ITGB1: variants seen among roughly 807,000 people sequenced by gnomAD.
ITGB1 encodes the protein integrin subunit beta 1.
In ITGB1, 24 loss-of-function variants were observed where a neutral mutation model predicts 86.5. The observed-to-expected ratio is 0.28, with a 90% CI of 0.20 to 0.39. The LOEUF (loss-of-function observed/expected upper bound fraction) is 0.39, where lower values mean the gene tolerates loss of function less well. Ranked by LOEUF, ITGB1 falls within the 10% of genes least tolerant of loss-of-function variation. The probability of loss-of-function intolerance (pLI) is 1.00; values close to 1 mark genes in which losing one functional copy is unlikely to be tolerated. For missense variants in ITGB1, 556 were observed against 946.9 expected (o/e 0.59, Z 5.42); for synonymous variants, 323 against 316.8 (o/e 1.02, Z -0.21).
intron 8 of ITGB1, 145 bp from the exon 9 acceptor site, chr10:32,922,491 T>C (rs2094953222): frequency 4.0e-6 from 3 of 754,360 alleles, no homozygotes; most frequent in African/African-American, 1.8e-5. Flanking sequence ...ACCAGTTTTA[T>C]AATATGTGAT....
At chr10:32,956,420 C>T (rs1382890251) in intron 1 of ITGB1, among the ~76,000 whole-genome samples, 1 of 150,126 alleles carries the variant, frequency 6.7e-6, no homozygotes, top group East Asian at 2.0e-4. Flanking sequence ...AATAAAAAAA[C>T]CTAAGGGCCA....
intron 15 of ITGB1, chr10:32,906,433 C>CA: frequency 4.6e-6 from 1 of 218,764 alleles, no homozygotes; most frequent in Non-Finnish European, 9.7e-6. Context: ...CTACTAAAAA[C>CA]AAAAAAATTA....
intron 9 of ITGB1, among the ~76,000 whole-genome samples, chr10:32,922,027 G>C (rs1192559151): frequency 6.6e-6 from 1 of 152,042 alleles, no homozygotes; most frequent in Non-Finnish European, 1.5e-5. Flanking sequence ...ACAGTTATTT[G>C]GAAATACTCC....
rs1461894354 is a variant in ITGB1 at position 32,913,128 on chromosome 10, C to T, written c.1470-1004G>A. 3.3e-5 allele frequency among the ~76,000 whole-genome samples: 5 copies of T among 152,210 alleles called. No individual in the cohort carries two copies. The East Asian group carries it at 9.6e-4, about 29-fold the overall frequency. ...GACTGTTAGAAGGAAAACTAACAAACAGAAAGGACATCCACACCAAAACCC... is the reference window on the plus strand; with the variant it reads ...GACTGTTAGAAGGAAAACTAACAAATAGAAAGGACATCCACACCAAAACCC... On this transcript the variant is annotated intron_variant, in intron 11 of 15. Coordinates refer to ENST00000302278, the MANE Select transcript of ITGB1 (RefSeq NM_002211.4).
rs2094903127 is a variant in ITGB1, at chr10:32,908,377, T to C, written c.2322A>G (p.Lys774=). The part of the protein sequence containing the change: ...AKFEKEKMNA[K]WDTGENPIYK... ...ATGTTTTGTAACTTACCGTGTCCCA[T>C]TTGGCATTCATTTTCTCCTTTTCAA... The change falls in exon 15 of 16, where the codon AAA becomes AAG. Residue 774 remains lysine, a synonymous_variant. Transcript: ENST00000302278. 1.9e-6 allele frequency: 3 copies of C among 1,614,028 alleles called. No individual in the cohort carries two copies. The highest frequency in any genetic ancestry group is 2.7e-5 in the African/African-American group (2 of 75,068).
At chr10:32,923,470 A>C (rs2094955938) in intron 7 of ITGB1, 115 bp downstream of exon 7, 2 of 854,684 alleles carry the variant, frequency 2.3e-6, no homozygotes, top group Admixed American at 3.2e-5. Flanking sequence ...CTACTTACCA[A>C]AACAGCAAAA....
At chr10:32,910,754 TA>T (rs1339478136) in intron 13 of ITGB1, among the ~76,000 whole-genome samples, 3 of 149,812 alleles carry the variant, frequency 2.0e-5, no homozygotes, top group Non-Finnish European at 2.9e-5. Flanking sequence ...AAAATCATAA[TA>T]ATTTTTTTTT....
intron 3 of ITGB1, among the ~76,000 whole-genome samples, chr10:32,931,303 A>T (rs1003748176): frequency 6.6e-4 from 101 of 152,216 alleles, no homozygotes; most frequent in African/African-American, 2.3e-3. Context: ...AAGCCTTTAA[A>T]ATTTTAAGGA....
chr10:32,934,727 T>C (rs2137238017), intron 2 of ITGB1, among the ~76,000 whole-genome samples: 1 of 152,356 alleles, frequency 6.6e-6, no homozygotes, highest in South Asian at 2.1e-4. Context: ...AATTTTTTTG[T>C]TATGTTCCTC....
At chr10:32,928,332 A>C in intron 4 of ITGB1, 68 bp from the exon 5 acceptor site, 1 of 711,846 alleles carries the variant, frequency 1.4e-6, no homozygotes. Flanking sequence ...AGAAAAACCA[A>C]ATAAATGTGG....
chr10:32,907,096 T>G, intron 15 of ITGB1: 1 of 1,360,876 alleles, frequency 7.3e-7, no homozygotes, highest in Non-Finnish European at 9.8e-7. Context: ...GTCCGTAGTT[T>G]GGATTCTTGA....
chr10:32,956,425 G>A (rs1297971284), intron 1 of ITGB1, among the ~76,000 whole-genome samples: 5 of 151,452 alleles, frequency 3.3e-5, no homozygotes, highest in African/African-American at 4.9e-5. Flanking sequence ...AAAAACCTAA[G>A]GGCCAGGTTC....
Position 32,954,807 on chromosome 10 carries a change from G to A in ITGB1, c.-1+3338C>T, listed in dbSNP as rs181349659. Among the ~76,000 whole-genome samples the A allele has an allele frequency of 8.1e-4, 124 of 152,290 alleles. 2 individuals carry two copies. The East Asian group carries it at 0.014, about 18-fold the overall frequency. On this transcript the variant is annotated intron_variant, in intron 1 of 15. Transcript: ENST00000302278. ...TTTCTCATGCACACACACGTTTCATGAGGTGATATGCACACGCTTAAGCAT... is the reference window on the plus strand; with the variant it reads ...TTTCTCATGCACACACACGTTTCATAAGGTGATATGCACACGCTTAAGCAT...
chr10:32,913,482 A>C (rs954779019), intron 11 of ITGB1, among the ~76,000 whole-genome samples: 1 of 152,214 alleles, frequency 6.6e-6, no homozygotes, highest in African/African-American at 2.4e-5. Context: ...AAATGACCTG[A>C]TGGAGCGGAA....
At chr10:32,951,431 G>C (rs7906227) in intron 1 of ITGB1, among the ~76,000 whole-genome samples, 6,385 of 151,290 alleles carry the variant, frequency 0.042, 467 homozygotes, top group African/African-American at 0.15. Flanking sequence ...GCCCCTCCCT[G>C]TCCTGAAAAA....
Position 32,920,010 on chromosome 10 carries a change from C to G in ITGB1, c.1344G>C (p.Leu448=). 6.2e-7 allele frequency: 1 copy of G among 1,613,986 alleles called. No individual in the cohort carries two copies. Among genetic ancestry groups the G allele is most frequent in the Non-Finnish European group, 8.5e-7 (1 of 1,179,886 alleles). The change falls in exon 11 of 16, where the codon CTG becomes CTC. Residue 448 remains leucine, a synonymous_variant. Transcript: ENST00000302278. The part of the protein sequence containing the change: ...KDSDSFKIRP[L]GFTEEVEVIL... ...TAACCTCTACTTCCTCCGTAAAGCC[C>G]AGAGGCCTAATTTTAAAGCTGTCAG...
At chr10:32,902,421 A>C (rs1351053500) in intron 15 of ITGB1, among the ~76,000 whole-genome samples, 8 of 152,184 alleles carry the variant, frequency 5.3e-5, no homozygotes, top group Non-Finnish European at 1.2e-4. Flanking sequence ...TTTTCCTTAA[A>C]AATTCTCTTA....
chr10:32,918,515 G>A (rs2094939031), intron 11 of ITGB1, among the ~76,000 whole-genome samples: 1 of 152,072 alleles, frequency 6.6e-6, no homozygotes. Flanking sequence ...ACATGTGCAA[G>A]CAGGGACAAA....
At chr10:32,948,332 A>C (rs929266774) in intron 1 of ITGB1, among the ~76,000 whole-genome samples, 1 of 152,200 alleles carries the variant, frequency 6.6e-6, no homozygotes, top group Non-Finnish European at 1.5e-5. Flanking sequence ...TAAGGTAGTA[A>C]ATGTTAGACA....
Sources: allele counts gnomAD v4.1 joint callset (sites outside exome capture counted in the v4.1 genomes callset), GRCh38; gene constraint gnomAD v4.1.1; transcripts MANE v1.5; gene names NCBI Gene and HGNC (gene_info 2026-07-23, HGNC 2026-07-21).